The following LONP2 variants were observed in gnomAD, a reference collection of about 807,000 sequenced individuals.
LONP2 encodes the protein lon peptidase 2, peroxisomal.
A neutral mutation model predicts 85.6 loss-of-function variants in LONP2; 60 were observed. The ratio of observed to expected loss-of-function variants is 0.70; its 90% CI spans 0.57 to 0.87. The LOEUF (loss-of-function observed/expected upper bound fraction) is 0.87. LONP2 is among the 40% of genes least tolerant of loss of function. The pLI, the probability that LONP2 is intolerant of heterozygous loss-of-function variation, is 0.00. For synonymous variants in LONP2, 395 were observed against 389.7 expected, an observed-to-expected ratio of 1.01 and a Z score of -0.16; for missense variants, 860 against 1,063.5, an observed-to-expected ratio of 0.81 and a Z score of 2.66.
Position 48,303,194 on chromosome 16 carries a change from C to CG in LONP2, c.1685dup (p.Ser563PhefsTer4), listed in dbSNP as rs1344200482. 1 of 1,613,972 alleles carries CG rather than the reference C, an allele frequency of 6.2e-7. No homozygotes were observed. Among genetic ancestry groups the CG allele is most frequent in the Non-Finnish European group, 8.5e-7 (1 of 1,179,980 alleles). ...CAGGTATACCAGAGAGGCAGGGGTT[C>CG]GTTCTCTGGATAGAAAACTTGGGGC... On this transcript the variant is annotated frameshift_variant, in exon 11 of 15. Coordinates refer to ENST00000285737, the MANE Select transcript of LONP2 (RefSeq NM_031490.5). LOFTEE classifies it high-confidence loss of function.
chr16:48,297,687 A>T (rs2150997428), intron 9 of LONP2, among the ~76,000 whole-genome samples: 1 of 151,120 alleles, frequency 6.6e-6, no homozygotes, highest in Non-Finnish European at 1.5e-5. Context: ...TACTAAGTGA[A>T]TTATAATTGG....
intron 14 of LONP2, among the ~76,000 whole-genome samples, chr16:48,351,114 G>C (rs1248905823): frequency 2.0e-5 from 3 of 152,166 alleles, no homozygotes; most frequent in Non-Finnish European, 2.9e-5. Context: ...CCTAGTTTAG[G>C]GATACATTTT....
Position 48,310,060 on chromosome 16 carries a change from TA to T in LONP2, c.1795+6768del, listed in dbSNP as rs546827476. On this transcript the variant is annotated intron_variant, in intron 11 of 14. Coordinates refer to ENST00000285737, the MANE Select transcript of LONP2 (RefSeq NM_031490.5). ...CCCTATGTCATTATATACTGGCCTT[TA>T]AAAAAAAAAAAACTATTGTTGATTT... is the stretch of plus-strand genomic sequence containing the variant. Among the ~76,000 whole-genome samples, 624 of 144,678 alleles carry T rather than the reference TA, an allele frequency of 4.3e-3. 2 individuals are homozygous for T. The highest frequency in any genetic ancestry group is 0.013 in the East Asian group (66 of 5,040). The allele number at this position is 144,678 out of a possible 152,430, so 94.9% of individuals were successfully genotyped here. A position where few individuals can be genotyped will look rare whatever the true frequency, so the allele number is the denominator to read the frequency against.
At chr16:48,332,626 G>C (rs1012346280) in intron 11 of LONP2, among the ~76,000 whole-genome samples, 2 of 152,192 alleles carry the variant, frequency 1.3e-5, no homozygotes, top group East Asian at 3.9e-4. Context: ...CAGGAGAATC[G>C]CTTGAACCCA....
intron 8 of LONP2, among the ~76,000 whole-genome samples, chr16:48,279,249 A>G (rs1419138535): frequency 6.6e-6 from 1 of 152,254 alleles, no homozygotes; most frequent in Non-Finnish European, 1.5e-5. Context: ...TTGTGTGTTT[A>G]TATTTAATAG....
chr16:48,292,506 A>G (rs1972576885), intron 8 of LONP2, among the ~76,000 whole-genome samples: 1 of 152,180 alleles, frequency 6.6e-6, no homozygotes, highest in Non-Finnish European at 1.5e-5. Flanking sequence ...ACTCTTCCTG[A>G]GTAAAAGAGG....
intron 11 of LONP2, among the ~76,000 whole-genome samples, chr16:48,312,548 C>T (rs1389619959): frequency 6.6e-6 from 1 of 152,064 alleles, no homozygotes; most frequent in African/African-American, 2.4e-5. Context: ...GACATAGACA[C>T]TGTATGATAG....
rs1159788312 is a variant in LONP2 at position 48,354,196 on chromosome 16, C to CTTTTTTTTTTTTTTT, written c.*2409_*2423dup. ...GATCTAAGCATGTCCACTCTACACG[C>CTTTTTTTTTTTTTTT]TTTTTTTTTTTTTTTTTTTTTTTTT... On this transcript the variant is annotated 3_prime_UTR_variant, in exon 15 of 15. Transcript: ENST00000285737. The CTTTTTTTTTTTTTTT allele has an allele frequency of 1.5e-4, 7 of 46,200 alleles. 2 individuals are homozygous for CTTTTTTTTTTTTTTT. Among genetic ancestry groups the CTTTTTTTTTTTTTTT allele is most frequent in the African/African-American group, 1.9e-4 (2 of 10,576 alleles). The allele number at this position is 46,200 out of a possible 1,614,324, so 2.9% of individuals were successfully genotyped here. A position where few individuals can be genotyped will look rare whatever the true frequency, so the allele number is the denominator to read the frequency against.
intron 11 of LONP2, among the ~76,000 whole-genome samples, chr16:48,320,987 G>A (rs1344618452): frequency 6.6e-6 from 1 of 152,152 alleles, no homozygotes; most frequent in Non-Finnish European, 1.5e-5. Flanking sequence ...GGACTGGAGT[G>A]GAGTGGCCTG....
intron 8 of LONP2, among the ~76,000 whole-genome samples, chr16:48,286,468 T>A: frequency 6.6e-6 from 1 of 152,040 alleles, no homozygotes. Context: ...ATCTAATAAA[T>A]CCAACATGTC....
chr16:48,322,163 T>A (rs1221255416), intron 11 of LONP2, among the ~76,000 whole-genome samples: 1 of 152,058 alleles, frequency 6.6e-6, no homozygotes, highest in African/African-American at 2.4e-5. Context: ...CAAAAAATAT[T>A]TTTACCCCAT....
chr16:48,247,053 G>C (rs149957069), intron 1 of LONP2, among the ~76,000 whole-genome samples: 496 of 152,134 alleles, frequency 3.3e-3, no homozygotes, highest in African/African-American at 0.011. Flanking sequence ...ATATTGAAAA[G>C]TCTTCATAGA....
chr16:48,308,628 CAA>C (rs545067276), intron 11 of LONP2, among the ~76,000 whole-genome samples: 8 of 68,854 alleles, frequency 1.2e-4, no homozygotes, highest in Admixed American at 1.7e-4. Context: ...GACTCTGTCT[CAA>C]AAAAAAAAAA....
chr16:48,290,253 A>T (rs1290103100), intron 8 of LONP2, among the ~76,000 whole-genome samples: 1 of 152,132 alleles, frequency 6.6e-6, no homozygotes, highest in East Asian at 1.9e-4. Context: ...TTTAATTTCC[A>T]TAGTTGAGGA....
Position 48,348,272 on chromosome 16 carries a change from G to A in LONP2, c.2319G>A (p.Leu773=). 6.6e-7 allele frequency: 1 copy of A among 1,526,676 alleles called. No individual in the cohort carries two copies. The highest frequency in any genetic ancestry group is 1.3e-5 in the South Asian group (1 of 75,722). The allele number at this position is 1,526,676 out of a possible 1,614,324, so 94.6% of individuals were successfully genotyped here. The change falls in exon 14 of 15, where the codon CTG becomes CTA. Residue 773 remains leucine, a synonymous_variant. Coordinates refer to ENST00000285737, the MANE Select transcript of LONP2 (RefSeq NM_031490.5). ...SDVAMTGEIT[L]RGLVLPVGGI... ...TAGCCATGACTGGAGAAATTACACT[G>A]AGAGGTCTTGTTCTTCCAGTAAGTA...
At chr16:48,252,517 C>T (rs1206657752) in intron 2 of LONP2, 152 bp downstream of exon 2, 2 of 498,072 alleles carry the variant, frequency 4.0e-6, no homozygotes, top group African/African-American at 2.0e-5. Context: ...TTACTCTTAT[C>T]TGGGGTTGTA....
chr16:48,244,596 G>T lies in LONP2; in HGVS notation c.208G>T (p.Ala70Ser), dbSNP rs1434802285. 1.6e-5 allele frequency: 24 copies of T among 1,485,144 alleles called. No homozygotes were observed. The East Asian group carries it at 4.3e-4, about 27-fold the overall frequency. The allele number at this position is 1,485,144 out of a possible 1,614,324, so 92.0% of individuals were successfully genotyped here. ...IPNTPDPASD[A>S]QDLPPLHRIG... ...CAACACGCCTGACCCCGCCAGCGACGCGCAGGACCTGCCGCCGCTGCACAG... is the reference window on the plus strand; with the variant it reads ...CAACACGCCTGACCCCGCCAGCGACTCGCAGGACCTGCCGCCGCTGCACAG... The change falls in exon 1 of 15, where the codon GCG becomes TCG. Residue 70 changes from alanine to serine, a missense_variant. Physicochemically the swap from Ala to Ser is moderately conservative, Grantham distance 99 (BLOSUM62 1). Around this residue, in one of 3 missense-constraint regions of LONP2, gnomAD observed 743 missense variants for 917.3 expected, o/e 0.81. Coordinates refer to ENST00000285737, the MANE Select transcript of LONP2 (RefSeq NM_031490.5).
chr16:48,333,044 A>G (rs1959509403), intron 11 of LONP2, among the ~76,000 whole-genome samples: 1 of 152,278 alleles, frequency 6.6e-6, no homozygotes, highest in Non-Finnish European at 1.5e-5. Context: ...AAAACACTTC[A>G]TGAGACAAGA....
chr16:48,328,075 A>G (rs1035169533), intron 11 of LONP2, among the ~76,000 whole-genome samples: 6 of 152,140 alleles, frequency 3.9e-5, no homozygotes, highest in Non-Finnish European at 8.8e-5. Flanking sequence ...TACTCTAAAA[A>G]GGGAGCCATC....
Sources: gnomAD v4.1 joint callset for allele counts (sites outside exome capture counted in the v4.1 genomes callset) on GRCh38, gnomAD v4.1.1 for gene constraint, gnomAD v4.1.1 regional missense constraint, MANE v1.5 for transcripts, NCBI Gene and HGNC (gene_info 2026-07-23, HGNC 2026-07-21) for gene names.